The following NLGN4X variants were observed in gnomAD, a reference collection of about 807,000 sequenced individuals.
NLGN4X encodes the protein neuroligin 4 X-linked, also known as neuroligin-4, X-linked.
NLGN4X carries 3 observed loss-of-function variants against 40.3 expected under a neutral mutation model. The ratio of observed to expected loss-of-function variants is 0.07; its 90% CI spans 0.03 to 0.19. The LOEUF is 0.19. NLGN4X is among the 10% of genes least tolerant of loss of function. The probability of loss-of-function intolerance (pLI) is 1.00; values close to 1 mark genes in which losing one functional copy is unlikely to be tolerated. For synonymous variants in NLGN4X, 270 were observed against 306.8 expected (o/e 0.88, Z 1.25); for missense variants, 382 against 708.3 (o/e 0.54, Z 5.23).
intron 1 of NLGN4X, among the ~76,000 whole-genome samples, chrX:6,190,968 C>T (rs1324741061): frequency 9.0e-6 from 1 of 111,280 alleles, no homozygotes; most frequent in Non-Finnish European, 1.9e-5. Flanking sequence ...GAGATGTACC[C>T]CGAAGTGTGG....
intron 2 of NLGN4X, among the ~76,000 whole-genome samples, chrX:6,080,208 G>T (rs1464392326): frequency 2.7e-5 from 3 of 111,303 alleles, no homozygotes; most frequent in African/African-American, 9.8e-5. Flanking sequence ...TATTGTCTAA[G>T]TAGAAGTCAT....
chrX:6,030,515 A>T (rs756023469), intron 2 of NLGN4X, among the ~76,000 whole-genome samples: 42 of 103,691 alleles, frequency 4.1e-4, no homozygotes, highest in African/African-American at 1.2e-3. Context: ...TTTTTTCCTC[A>T]TAATCCACAG....
At chrX:5,903,982 A>C in intron 4 of NLGN4X, 116 bp from the exon 5 acceptor site, 2 of 924,468 alleles carry the variant, frequency 2.2e-6, no homozygotes. Flanking sequence ...TGGATGTAGT[A>C]GCATTCAGCT....
At chrX:6,196,550 T>TAAAAA (rs1923091981) in intron 1 of NLGN4X, among the ~76,000 whole-genome samples, 2 of 7,686 alleles carry the variant, frequency 2.6e-4, no homozygotes, top group African/African-American at 1.1e-3. Context: ...AGACTCTGTC[T>TAAAAA]CAAAAAAAAA....
chrX:6,065,323 T>C (rs980870062), intron 2 of NLGN4X, among the ~76,000 whole-genome samples: 1 of 100,812 alleles, frequency 9.9e-6, no homozygotes, highest in Non-Finnish European at 2.0e-5. Flanking sequence ...AGAAAGAGAG[T>C]ACTGGTTAAG....
chrX:5,934,680 T>C (rs113607770), intron 3 of NLGN4X, among the ~76,000 whole-genome samples: 5,174 of 111,944 alleles, frequency 0.046, 303 homozygotes, highest in African/African-American at 0.16. Flanking sequence ...AGATCCCTGA[T>C]GTAATAAATG....
At chrX:5,972,135 GCA>G (rs202142144) in intron 3 of NLGN4X, among the ~76,000 whole-genome samples, 355 of 103,824 alleles carry the variant, frequency 3.4e-3, no homozygotes, top group African/African-American at 0.014. Flanking sequence ...GCACACACAG[GCA>G]CACACACATA....
intron 3 of NLGN4X, among the ~76,000 whole-genome samples, chrX:6,008,866 C>G (rs1409503459): frequency 1.8e-5 from 2 of 111,988 alleles, no homozygotes; most frequent in Non-Finnish European, 1.9e-5. Flanking sequence ...CTCAGCCGCA[C>G]ACAAACACCA....
chrX:5,968,455 CTCTGTGTGTGTGTGTGTGTGTG>C (rs1371487634), intron 3 of NLGN4X, among the ~76,000 whole-genome samples: 1 of 27,629 alleles, frequency 3.6e-5, no homozygotes, highest in Non-Finnish European at 7.0e-5. Context: ...CTCTCTCTCT[CTCTGTGTGTGTGTGTGTGTGTG>C]TGTGTGTGTG....
chrX:5,996,609 T>TG (rs1445230350), intron 3 of NLGN4X, among the ~76,000 whole-genome samples: 1 of 108,618 alleles, frequency 9.2e-6, no homozygotes, highest in Non-Finnish European at 1.9e-5. Flanking sequence ...ACCTTTTTTT[T>TG]TTTTTTTGAG....
intron 1 of NLGN4X, among the ~76,000 whole-genome samples, chrX:6,217,361 C>T (rs1369899031): frequency 9.0e-6 from 1 of 111,484 alleles, no homozygotes; most frequent in Non-Finnish European, 1.9e-5. Context: ...AGACACATAA[C>T]TTCTTGTGTA....
At chrX:6,208,136 A>G (rs1239284497) in intron 1 of NLGN4X, among the ~76,000 whole-genome samples, 1 of 112,024 alleles carries the variant, frequency 8.9e-6, no homozygotes, top group Non-Finnish European at 1.9e-5. Context: ...ATAAGTTCTA[A>G]TAACTGACAG....
At chrX:5,997,589 TATATATATACAC>T (rs1280610938) in intron 3 of NLGN4X, among the ~76,000 whole-genome samples, 168 of 54,093 alleles carry the variant, frequency 3.1e-3, no homozygotes, top group African/African-American at 0.017. Flanking sequence ...TGTGTGTGTA[TATATATATACAC>T]ATATATATAT....
At chrX:6,184,150 A>C (rs1305017296) in intron 1 of NLGN4X, among the ~76,000 whole-genome samples, 2 of 112,373 alleles carry the variant, frequency 1.8e-5, no homozygotes, top group Non-Finnish European at 3.8e-5. Flanking sequence ...TATGAACTTT[A>C]AAATCTGTAG....
At chrX:6,134,640 G>A (rs1465522411) in intron 2 of NLGN4X, among the ~76,000 whole-genome samples, 1 of 112,443 alleles carries the variant, frequency 8.9e-6, no homozygotes, top group Non-Finnish European at 1.9e-5. Flanking sequence ...TAAACTACAT[G>A]TTTGCTAATG....
At chrX:5,986,015 C>T (rs890978875) in intron 3 of NLGN4X, among the ~76,000 whole-genome samples, 2 of 111,456 alleles carry the variant, frequency 1.8e-5, no homozygotes, top group African/African-American at 3.3e-5. Flanking sequence ...GAAAAATATA[C>T]GAAAAGATTT....
At chrX:6,026,380 G>A (rs997786002) in intron 3 of NLGN4X, among the ~76,000 whole-genome samples, 1 of 112,109 alleles carries the variant, frequency 8.9e-6, no homozygotes, top group Non-Finnish European at 1.9e-5. Flanking sequence ...CTACTTGTAT[G>A]AAATGCACTC....
rs1439513869 is a variant in NLGN4X at position 5,894,077 on chromosome X, G to C, written c.1602-411C>G. On this transcript the variant is annotated intron_variant, in intron 5 of 5. Coordinates refer to ENST00000381095, the MANE Select transcript of NLGN4X (RefSeq NM_181332.3). Reference sequence around the variant, plus strand: ...CTGATTTGCTCCAAAGGGATATTTGGCAGTATCTGGAGACACTTTTGGTTT... The same window carrying C: ...CTGATTTGCTCCAAAGGGATATTTGCCAGTATCTGGAGACACTTTTGGTTT... Among the ~76,000 whole-genome samples the C allele has an allele frequency of 2.7e-5, 3 of 112,019 alleles. No homozygotes were observed. In the Admixed American group the frequency reaches 2.8e-4, roughly 11 times the overall value.
chrX:6,224,977 C>CTT (rs1926028910), intron 1 of NLGN4X, among the ~76,000 whole-genome samples: 2 of 52,326 alleles, frequency 3.8e-5, no homozygotes, highest in Non-Finnish European at 6.2e-5. Flanking sequence ...TTAAAATGGC[C>CTT]ATATATATAT....
Sources: gnomAD v4.1 joint callset for allele counts (sites outside exome capture counted in the v4.1 genomes callset) on GRCh38, gnomAD v4.1.1 for gene constraint, MANE v1.5 for transcripts, NCBI Gene and HGNC (gene_info 2026-07-23, HGNC 2026-07-21) for gene names.